HNRNPM: variants seen among roughly 807,000 people sequenced by gnomAD.
The protein encoded by HNRNPM is heterogeneous nuclear ribonucleoprotein M.
In HNRNPM, 11 loss-of-function variants were observed where a neutral mutation model predicts 73.1. The ratio of observed to expected loss-of-function variants is 0.15; its 90% CI spans 0.09 to 0.25. HNRNPM has a LOEUF of 0.25. HNRNPM is among the 10% of genes least tolerant of loss of function. The pLI, the probability that HNRNPM is intolerant of heterozygous loss-of-function variation, is 1.00. For missense variants in HNRNPM, 789 were observed against 1,067.9 expected (o/e 0.74, Z 3.64); for synonymous variants, 407 against 355.2 (o/e 1.15, Z -1.64).
intron 10 of HNRNPM, among the ~76,000 whole-genome samples, chr19:8,472,192 AC>A (rs1280620367): frequency 6.7e-6 from 1 of 148,180 alleles, no homozygotes; most frequent in Admixed American, 6.7e-5. Flanking sequence ...AAAAAAAAAA[AC>A]CTGCATGAAA....
intron 12 of HNRNPM, among the ~76,000 whole-genome samples, chr19:8,476,205 A>C (rs1399735774): frequency 6.6e-6 from 1 of 152,112 alleles, no homozygotes; most frequent in African/African-American, 2.4e-5. Context: ...CGGCACTCGG[A>C]GTGCTCCCCA....
At chr19:8,483,322 G>T in intron 13 of HNRNPM, 111 bp downstream of exon 13, 1 of 799,500 alleles carries the variant, frequency 1.3e-6, no homozygotes, top group South Asian at 1.5e-5. Context: ...TGCCCGGGGT[G>T]GGAGCAGCTC....
At position 8,464,889 on chromosome 19, in the gene HNRNPM, C is replaced by T. The variant is rs958995587; in HGVS notation, c.439-435C>T. On this transcript the variant is annotated intron_variant, in intron 5 of 15. Coordinates refer to ENST00000325495, the MANE Select transcript of HNRNPM (RefSeq NM_005968.5). ...ACCTGAAGGACTTGAAGGATGGGGG[C>T]GCTTGTGTGGTCTAGAACTGTTTCT... Among the ~76,000 whole-genome samples the T allele has an allele frequency of 3.7e-4, 57 of 152,108 alleles. 1 individual carries two copies. The highest frequency in any genetic ancestry group is 7.9e-4 in the Non-Finnish European group (54 of 68,012).
intron 13 of HNRNPM, among the ~76,000 whole-genome samples, chr19:8,485,284 A>G (rs1404630327): frequency 6.6e-6 from 1 of 152,038 alleles, no homozygotes; most frequent in African/African-American, 2.4e-5. Flanking sequence ...GAAACCTCAG[A>G]TGTCTCAGGA....
In HNRNPM at chr19:8,488,039, G is replaced by A. The variant is rs78760276; in HGVS notation, c.2030-652G>A. 1,127 of 121,470 alleles carry A rather than the reference G, an allele frequency of 9.3e-3. 10 individuals are homozygous for A. The highest frequency in any genetic ancestry group is 0.028 in the South Asian group (91 of 3,252). 7.5% of individuals were successfully genotyped at this position (121,470 alleles called of 1,614,324 possible). On this transcript the variant is annotated intron_variant, in intron 15 of 15. Coordinates refer to ENST00000325495, the MANE Select transcript of HNRNPM (RefSeq NM_005968.5). ...GAGCGGCAAGTGCTGCACGTGTCCCGCAATGCTCTCGTGTGAGCCAATTAC... is the reference window on the plus strand; with the variant it reads ...GAGCGGCAAGTGCTGCACGTGTCCCACAATGCTCTCGTGTGAGCCAATTAC...
chr19:8,477,114 C>T (rs942494314), intron 12 of HNRNPM, among the ~76,000 whole-genome samples: 1 of 152,108 alleles, frequency 6.6e-6, no homozygotes, highest in African/African-American at 2.4e-5. Flanking sequence ...TTCATTACAT[C>T]GCACCTATCT....
intron 1 of HNRNPM, among the ~76,000 whole-genome samples, chr19:8,448,557 G>A (rs1968380393): frequency 6.7e-6 from 1 of 148,452 alleles, no homozygotes; most frequent in East Asian, 2.0e-4. Flanking sequence ...TGCAAGCTCC[G>A]TGAACCGCTT....
At chr19:8,487,905 C>G (rs886387806) in intron 15 of HNRNPM, 8 of 152,454 alleles carry the variant, frequency 5.2e-5, no homozygotes, top group Non-Finnish European at 1.0e-4. Flanking sequence ...CCAGCCCCCA[C>G]TTTTGCAATG....
chr19:8,462,684 GT>G lies in HNRNPM; in HGVS notation c.336+105del. ...AATCAGGAAGGCAGTGAGTGCTCAT[GT>G]TACAGTAGCTATGTTTGATTTTGCC... On this transcript the variant is annotated intron_variant, in intron 3 of 15. Transcript: ENST00000325495. This position sits in a 1 kb window ranked among gnomAD's most constrained non-coding sequence, Gnocchi z 4.5. The G allele has an allele frequency of 1.0e-6, 1 of 960,224 alleles. No individual in the cohort carries two copies. The highest frequency in any genetic ancestry group is 1.7e-6 in the Non-Finnish European group (1 of 587,254). 59.5% of individuals were successfully genotyped at this position (960,224 alleles called of 1,614,324 possible).
chr19:8,446,451 C>T (rs1292285692), intron 1 of HNRNPM, among the ~76,000 whole-genome samples: 1 of 152,094 alleles, frequency 6.6e-6, no homozygotes, highest in East Asian at 1.9e-4. Flanking sequence ...CCTCTGTTAC[C>T]CAAGCTGGGA....
chr19:8,477,742 A>T (rs1970619730), intron 12 of HNRNPM, among the ~76,000 whole-genome samples: 1 of 151,334 alleles, frequency 6.6e-6, no homozygotes, highest in Admixed American at 6.6e-5. Context: ...CGTTATGTAG[A>T]TGCAGCCACT....
intron 11 of HNRNPM, among the ~76,000 whole-genome samples, chr19:8,473,935 A>G (rs150970517): frequency 9.2e-5 from 14 of 151,740 alleles, no homozygotes; most frequent in Admixed American, 3.3e-4. Flanking sequence ...CTCCATCTCT[A>G]TGCCTCTTTT....
intron 12 of HNRNPM, among the ~76,000 whole-genome samples, chr19:8,476,041 G>A (rs1376465618): frequency 3.3e-5 from 5 of 151,956 alleles, no homozygotes; most frequent in South Asian, 2.1e-4. Flanking sequence ...GTGCTGAGCC[G>A]TGTGACACAG....
At chr19:8,456,726 A>G (rs1306261278) in intron 2 of HNRNPM, among the ~76,000 whole-genome samples, 1 of 152,176 alleles carries the variant, frequency 6.6e-6, no homozygotes, top group African/African-American at 2.4e-5. Flanking sequence ...GACATGCAAG[A>G]AGCACTAGGC....
At chr19:8,448,330 A>T (rs1038285256) in intron 1 of HNRNPM, among the ~76,000 whole-genome samples, 1 of 152,144 alleles carries the variant, frequency 6.6e-6, no homozygotes, top group Non-Finnish European at 1.5e-5. Context: ...GTCTGTTCCA[A>T]TTAAAGTCAG....
chr19:8,488,673 C>T lies in HNRNPM; in HGVS notation c.2030-18C>T, dbSNP rs1971494104. Reference sequence around the variant, plus strand: ...AAATCGGGACTGAGTGTCGTCTCTTCTTCCCTCCCTGTCCTAGGCCACGTG... The same window carrying T: ...AAATCGGGACTGAGTGTCGTCTCTTTTTCCCTCCCTGTCCTAGGCCACGTG... On this transcript the variant is annotated intron_variant, in intron 15 of 15. Coordinates refer to ENST00000325495, the MANE Select transcript of HNRNPM (RefSeq NM_005968.5). The T allele has an allele frequency of 6.2e-7, 1 of 1,601,288 alleles. No homozygotes were observed. Among genetic ancestry groups the T allele is most frequent in the South Asian group, 1.1e-5 (1 of 90,280 alleles).
chr19:8,458,388 T>C (rs1384898902), intron 2 of HNRNPM, among the ~76,000 whole-genome samples: 1 of 152,086 alleles, frequency 6.6e-6, no homozygotes, highest in East Asian at 1.9e-4. Flanking sequence ...AAGGACTGGG[T>C]GGAAAAAATA....
Position 8,485,718 on chromosome 19 carries a change from G to T in HNRNPM, c.1290G>T (p.Val430=). Residue 430 remains valine, a synonymous_variant, in exon 14 of 16, where the codon GTG becomes GTT. Transcript: ENST00000325495. ...GAGLGHGMDR[V]GSEIERMGLV... ...GCCTGGGCCACGGCATGGATCGCGT[G>T]GGCTCCGAGATCGAGCGCATGGGCC... 6.2e-7 allele frequency: 1 copy of T among 1,606,996 alleles called. No homozygotes were observed.
rs1971298100 is a variant in HNRNPM, at chr19:8,486,253, C to G, written c.1825C>G (p.Leu609Val). 1 of 1,602,992 alleles carries G rather than the reference C, an allele frequency of 6.2e-7. No individual in the cohort carries two copies. The highest frequency in any genetic ancestry group is 1.1e-5 in the South Asian group (1 of 91,056). The change falls in exon 14 of 16, where the codon CTG (leucine) becomes GTG (valine). Residue 609 changes from leucine (L) to valine (V), a missense_variant. Leu to Val is a conservative substitution (Grantham distance 32). This residue lies in a region of HNRNPM where 604 missense variants were observed against 744.0 expected (regional missense o/e 0.81). Transcript: ENST00000325495. ...ALGAGIERMG[L>V]AMGGGGGASF... ...GGGCGCTGGCATTGAGCGCATGGGC[C>G]TGGCCATGGGTGGCGGTGGCGGTGC...
Sources: allele counts gnomAD v4.1 joint callset (sites outside exome capture counted in the v4.1 genomes callset), GRCh38; gene constraint gnomAD v4.1.1; regional missense constraint gnomAD v4.1.1; non-coding constraint Gnocchi (gnomAD v3.1); transcripts MANE v1.5; gene names NCBI Gene and HGNC (gene_info 2026-07-23, HGNC 2026-07-21).